MTRR: variants seen among roughly 807,000 people sequenced by gnomAD.
MTRR encodes methionine synthase reductase.
In MTRR, 63 loss-of-function variants were observed where a neutral mutation model predicts 79.2. The observed-to-expected ratio is 0.80, with a 90% confidence interval of 0.65 to 0.98. The LOEUF (loss-of-function observed/expected upper bound fraction) is 0.98. Ranked by LOEUF, MTRR falls within the 50% of genes least tolerant of loss-of-function variation. The pLI is 0.00. For missense variants in MTRR, 895 were observed against 839.6 expected (o/e 1.07, Z -0.82); for synonymous variants, 355 against 313.3 (o/e 1.13, Z -1.41).
chr5:7,872,994 T>G (rs1297610253), intron 2 of MTRR, among the ~76,000 whole-genome samples: 2 of 152,162 alleles, frequency 1.3e-5, no homozygotes, highest in Non-Finnish European at 2.9e-5. Flanking sequence ...CATGACTCAG[T>G]GGCAAAGAGT....
chr5:7,873,124 C>T (rs556859166), intron 2 of MTRR, among the ~76,000 whole-genome samples: 225 of 152,252 alleles, frequency 1.5e-3, no homozygotes, highest in Non-Finnish European at 2.9e-3. Flanking sequence ...AAGAGAAAGA[C>T]GTGTTAATCC....
In MTRR at chr5:7,897,334, T is replaced by C. The variant is rs1024986251; in HGVS notation, c.1952+87T>C. The C allele has an allele frequency of 1.2e-5, 16 of 1,293,920 alleles. No homozygotes were observed. The African/African-American group carries it at 1.9e-4, about 15-fold the overall frequency. The allele number at this position is 1,293,920 out of a possible 1,614,324, so 80.2% of individuals were successfully genotyped here. Reference sequence around the variant, plus strand: ...AAAAAGGACCGAGAAGCCAATAATCTAGATATGTAGGGATAAGACATTTGA... The same window carrying C: ...AAAAAGGACCGAGAAGCCAATAATCCAGATATGTAGGGATAAGACATTTGA... On this transcript the variant is annotated intron_variant, in intron 14 of 14. Coordinates refer to ENST00000440940, the MANE Select transcript of MTRR (RefSeq NM_002454.3).
chr5:7,878,167 C>CA lies in MTRR; in HGVS notation c.629dup (p.Asn210LysfsTer13), dbSNP rs1734898457. On this transcript the variant is annotated frameshift_variant, in exon 5 of 15. Transcript: ENST00000440940. LOFTEE classifies it high-confidence loss of function. ...AAGAAAGGATTCTGAGGTTTTGAAG[C>CA]AAAATGCAGTGAACAGCAACCAATC... 6.2e-7 allele frequency: 1 copy of CA among 1,614,018 alleles called. No individual in the cohort carries two copies. Among genetic ancestry groups the CA allele is most frequent in the Admixed American group, 1.7e-5 (1 of 59,994 alleles).
chr5:7,870,702 G>A, intron 1 of MTRR, 68 bp from the exon 2 acceptor site: 8 of 1,517,764 alleles, frequency 5.3e-6, no homozygotes, highest in South Asian at 3.4e-5. Flanking sequence ...AAAGATTGAG[G>A]GAGAATTAAT....
At chr5:7,888,302 C>A (rs1358117600) in intron 8 of MTRR, among the ~76,000 whole-genome samples, 1 of 152,056 alleles carries the variant, frequency 6.6e-6, no homozygotes, top group Non-Finnish European at 1.5e-5. Flanking sequence ...TGTTGTAGTA[C>A]CATAAAGTTT....
intron 1 of MTRR, 181 bp downstream of exon 1, chr5:7,869,396 GC>G (rs1747460722): frequency 1.5e-6 from 1 of 654,050 alleles, no homozygotes; most frequent in Non-Finnish European, 2.6e-6. Flanking sequence ...TTGGCCTTTG[GC>G]TTTGGTGTCC....
Position 7,900,714 on chromosome 5 carries a change from T to G in MTRR, c.*656T>G, listed in dbSNP as rs925964349. 1 of 152,686 alleles carries G rather than the reference T, an allele frequency of 6.5e-6. No individual in the cohort carries two copies. The highest frequency in any genetic ancestry group is 2.4e-5 in the African/African-American group (1 of 41,454). The allele number at this position is 152,686 out of a possible 1,614,324, so 9.5% of individuals were successfully genotyped here. On this transcript the variant is annotated 3_prime_UTR_variant, in exon 15 of 15. Transcript: ENST00000440940. ...ATATGATTTATCTATCACCATTACTTTTTTTTAAGTCACAATTTCAGAATT... is the reference window on the plus strand; with the variant it reads ...ATATGATTTATCTATCACCATTACTGTTTTTTAAGTCACAATTTCAGAATT...
upstream of MTRR, chr5:7,851,115 C>T: frequency 1.6e-6 from 2 of 1,215,828 alleles, no homozygotes; most frequent in Non-Finnish European, 2.1e-6. Context: ...TGCTCAGCGC[C>T]AGCGTCTAGC....
upstream of MTRR, among the ~76,000 whole-genome samples, chr5:7,868,508 G>A (rs1747236099): frequency 6.6e-6 from 1 of 152,132 alleles, no homozygotes; most frequent in African/African-American, 2.4e-5. Context: ...GTTGAAGGAA[G>A]AAATTGCATT....
chr5:7,868,102 T>C (rs747265610), upstream of MTRR: 5 of 1,532,968 alleles, frequency 3.3e-6, no homozygotes, highest in South Asian at 6.2e-5. Flanking sequence ...ATTCTCAATT[T>C]GATAACTAAA....
At chr5:7,875,067 T>G (rs1338404946) in intron 3 of MTRR, 191 bp from the exon 4 acceptor site, 1 of 594,646 alleles carries the variant, frequency 1.7e-6, no homozygotes, top group African/African-American at 1.9e-5. Context: ...CTGCTACTTT[T>G]ATATTGTAAA....
At chr5:7,866,105 C>G (rs1297018081), upstream of MTRR, 19 of 713,204 alleles carry the variant, frequency 2.7e-5, 1 homozygote, top group South Asian at 3.8e-4. Flanking sequence ...TTAAATGACA[C>G]TATGAAATGA....
Position 7,883,167 on chromosome 5 carries a change from G to T in MTRR, c.793G>T (p.Val265Leu). 6.2e-7 allele frequency: 1 copy of T among 1,614,130 alleles called. No individual in the cohort carries two copies. The highest frequency in any genetic ancestry group is 1.3e-5 in the African/African-American group (1 of 75,054). ...QESLGQEESQ[V>L]SVTSADPVFQ... ...TTTGTTTTTCAAGGAGGAAAGCCAA[G>T]TATCTGTGACTTCAGCAGATCCAGT... is the stretch of plus-strand genomic sequence containing the variant. The change falls in exon 6 of 15, where the codon GTA (valine) becomes TTA (leucine). Residue 265 changes from valine (V) to leucine (L), a missense_variant. Physicochemically the swap from Val to Leu is conservative, Grantham distance 32. Transcript: ENST00000440940.
At chr5:7,879,445 A>G (rs1212883745) in intron 5 of MTRR, among the ~76,000 whole-genome samples, 1 of 142,876 alleles carries the variant, frequency 7.0e-6, no homozygotes, top group Non-Finnish European at 1.5e-5. Context: ...CCTGAGCGAC[A>G]GAGTAAGACT....
intron 2 of MTRR, among the ~76,000 whole-genome samples, chr5:7,871,370 A>G (rs534492297): frequency 6.6e-6 from 1 of 152,326 alleles, no homozygotes; most frequent in East Asian, 1.9e-4. Flanking sequence ...TTAAAGTAGT[A>G]GTGTAAGGAT....
intron 1 of MTRR, chr5:7,870,150 C>A: frequency 1.2e-6 from 1 of 856,660 alleles, no homozygotes; most frequent in Non-Finnish European, 1.4e-6. Context: ...TCGTTATATG[C>A]ACCCGTTTGT....
At chr5:7,869,502 G>T in intron 1 of MTRR, 1 of 442,950 alleles carries the variant, frequency 2.3e-6, no homozygotes, top group Admixed American at 3.9e-5. Flanking sequence ...TTGGTTCTAG[G>T]CGCTTTCCAG....
At chr5:7,869,141 C>G, upstream of MTRR, 2 of 1,613,432 alleles carry the variant, frequency 1.2e-6, no homozygotes, top group South Asian at 2.2e-5. Flanking sequence ...AGCATGGGCG[C>G]TGCGTCAGTG....
intron 2 of MTRR, among the ~76,000 whole-genome samples, chr5:7,872,510 G>C (rs1256373044): frequency 2.6e-5 from 4 of 152,172 alleles, no homozygotes; most frequent in African/African-American, 9.7e-5. Context: ...CTCGCTTATA[G>C]CTAATGATAT....
Sources: allele counts gnomAD v4.1 joint callset (sites outside exome capture counted in the v4.1 genomes callset), GRCh38; gene constraint gnomAD v4.1.1; transcripts MANE v1.5; gene names NCBI Gene and HGNC (gene_info 2026-07-23, HGNC 2026-07-21).